TXNDC11: variants seen among roughly 807,000 people sequenced by gnomAD.
TXNDC11 encodes the protein thioredoxin domain containing 11.
Under a neutral mutation model 78.0 loss-of-function variants are expected in TXNDC11, and 68 were observed. The ratio of observed to expected loss-of-function variants is 0.87; its 90% CI spans 0.72 to 1.07. The LOEUF (loss-of-function observed/expected upper bound fraction) is 1.07. TXNDC11 is among the 50% of genes least tolerant of loss of function. The pLI, the probability that TXNDC11 is intolerant of heterozygous loss-of-function variation, is 0.00. For synonymous variants in TXNDC11, 571 were observed against 495.2 expected (o/e 1.15, Z -2.03); for missense variants, 1,389 against 1,221.8 (o/e 1.14, Z -2.04).
In TXNDC11 at chr16:11,698,294, G is replaced by C. The variant is rs2050914522; in HGVS notation, c.938C>G (p.Ala313Gly). 6.2e-7 allele frequency: 1 copy of C among 1,613,822 alleles called. No homozygotes were observed. Among genetic ancestry groups the C allele is most frequent in the African/African-American group, 1.3e-5 (1 of 74,920 alleles). ...VFPREVLNYT[A>G]ENICKWALEN... ...TAAGGCCCACTTACAGATGTTCTCAGCTGTGTAGTTCAGGACCTCCCTGGG... is the reference window on the plus strand; with the variant it reads ...TAAGGCCCACTTACAGATGTTCTCACCTGTGTAGTTCAGGACCTCCCTGGG... The change falls in exon 7 of 12, where the codon GCT (alanine) becomes GGT (glycine). Residue 313 changes from alanine (A) to glycine (G), a missense_variant. By Grantham distance (60) the Ala-to-Gly change is moderately conservative. Transcript: ENST00000283033.
At chr16:11,693,969 A>T (rs960760999) in intron 7 of TXNDC11, among the ~76,000 whole-genome samples, 1 of 152,186 alleles carries the variant, frequency 6.6e-6, no homozygotes, top group Admixed American at 6.5e-5. Context: ...GAGATCATTA[A>T]TTATATTATA....
At chr16:11,689,103 T>TTA (rs34620505) in intron 8 of TXNDC11, among the ~76,000 whole-genome samples, 1 of 151,172 alleles carries the variant, frequency 6.6e-6, no homozygotes, top group Non-Finnish European at 1.5e-5. Flanking sequence ...TTTTTTTTTT[T>TTA]AAAGAGACAG....
intron 11 of TXNDC11, among the ~76,000 whole-genome samples, 194 bp from the exon 12 acceptor site, chr16:11,680,031 G>A (rs918197245): frequency 1.6e-4 from 25 of 152,238 alleles, no homozygotes; most frequent in African/African-American, 5.5e-4. Flanking sequence ...CCATATGCTC[G>A]TTCTGTAATT....
chr16:11,693,027 T>G (rs549246800), intron 7 of TXNDC11, among the ~76,000 whole-genome samples: 1 of 152,268 alleles, frequency 6.6e-6, no homozygotes, highest in South Asian at 2.1e-4. Context: ...AGACCCCTTC[T>G]ACAGTCTCAC....
intron 1 of TXNDC11, among the ~76,000 whole-genome samples, chr16:11,737,615 G>C (rs1567354761): frequency 6.6e-6 from 1 of 151,956 alleles, no homozygotes; most frequent in Non-Finnish European, 1.5e-5. Context: ...TGTAATTCCA[G>C]CACTGTGGGA....
At chr16:11,716,886 A>G (rs1159924919) in intron 5 of TXNDC11, among the ~76,000 whole-genome samples, 2 of 152,150 alleles carry the variant, frequency 1.3e-5, no homozygotes, top group Admixed American at 1.3e-4. Flanking sequence ...ACCAAAAGAA[A>G]TCACAGAAAT....
In TXNDC11 at chr16:11,679,891, C is replaced by T; in HGVS notation, c.2235-54G>A. 12 of 1,494,444 alleles carry T rather than the reference C, an allele frequency of 8.0e-6. No individual in the cohort carries two copies. Among genetic ancestry groups the T allele is most frequent in the Non-Finnish European group, 1.0e-5 (11 of 1,092,462 alleles). The allele number at this position is 1,494,444 out of a possible 1,614,324, so 92.6% of individuals were successfully genotyped here. The stretch of plus-strand genomic sequence containing the variant: ...CAGGAGTCACACCAACACAATGAGT[C>T]CAAAAGCAGGCTGTACCTGAGGCCA... On this transcript the variant is annotated intron_variant, in intron 11 of 11. Transcript: ENST00000283033. This position sits in a 1 kb window ranked among gnomAD's most constrained non-coding sequence, Gnocchi z 4.6.
Position 11,679,450 on chromosome 16 carries a change from G to A in TXNDC11, c.2622C>T (p.Ala874=). 6.2e-7 allele frequency: 1 copy of A among 1,613,634 alleles called. No individual in the cohort carries two copies. Among genetic ancestry groups the A allele is most frequent in the Admixed American group, 1.7e-5 (1 of 60,024 alleles). The change falls in exon 12 of 12, where the codon GCC becomes GCT. Residue 874 remains alanine, a synonymous_variant. Coordinates refer to ENST00000283033, the MANE Select transcript of TXNDC11 (RefSeq NM_015914.7). This position sits in a 1 kb window ranked among gnomAD's most constrained non-coding sequence, Gnocchi z 4.6. ...EQKTRELQEL[A]RKLQELADAS... Reference sequence around the variant, plus strand: ...CATCGGCCAGCTCCTGCAGCTTGCGGGCCAGCTCCTGCAGCTCACGTGTCT... The same window carrying A: ...CATCGGCCAGCTCCTGCAGCTTGCGAGCCAGCTCCTGCAGCTCACGTGTCT...
In TXNDC11 at chr16:11,692,022, G is replaced by A. The variant is rs758955998; in HGVS notation, c.1168C>T (p.Leu390Phe). 1.9e-6 allele frequency: 3 copies of A among 1,560,188 alleles called. No homozygotes were observed. Among genetic ancestry groups the A allele is most frequent in the South Asian group, 2.5e-5 (2 of 81,544 alleles). The change falls in exon 8 of 12, where the codon CTT becomes TTT. Residue 390 changes from leucine (L) to phenylalanine (F), a missense_variant. By Grantham distance (22) the Leu-to-Phe change is conservative (BLOSUM62 0). Transcript: ENST00000283033. Reference protein sequence around the residue: ...CHGDQVVERLLQHLRRVDAPV... With the variant: ...CHGDQVVERLFQHLRRVDAPV... ...GCATCCACCCGCCGCAGGTGCTGAA[G>A]GAGACGCTCCACCACCTGGTCCCCA...
intron 11 of TXNDC11, among the ~76,000 whole-genome samples, chr16:11,680,636 T>C (rs1038072782): frequency 6.6e-5 from 10 of 152,278 alleles, no homozygotes; most frequent in East Asian, 1.9e-4. Flanking sequence ...CTGGCTGCAA[T>C]TGATCAAAAC....
At chr16:11,714,484 C>T (rs995394306) in intron 5 of TXNDC11, among the ~76,000 whole-genome samples, 1 of 152,118 alleles carries the variant, frequency 6.6e-6, no homozygotes, top group African/African-American at 2.4e-5. Context: ...CTAAAAAATA[C>T]AAAACATTAG....
chr16:11,727,560 T>C (rs1328089797), intron 4 of TXNDC11, among the ~76,000 whole-genome samples: 2 of 152,146 alleles, frequency 1.3e-5, no homozygotes, highest in East Asian at 1.9e-4. Context: ...GTTTTTTTGT[T>C]TGTGTTTTTT....
rs1305337937 is a variant in TXNDC11, at chr16:11,691,945, C to A, written c.1245G>T (p.Pro415=). The part of the protein sequence containing the change: ...ALEVPAQLPD[P]PTITASPCCN... ...AGCAGGGGGACGCTGTGATCGTTGGCGGGTCTGGCAGCTGTGCCGGCACTT... is the reference window on the plus strand; with the variant it reads ...AGCAGGGGGACGCTGTGATCGTTGGAGGGTCTGGCAGCTGTGCCGGCACTT... The change falls in exon 8 of 12, where the codon CCG becomes CCT. Residue 415 remains proline (P), a synonymous_variant. Transcript: ENST00000283033. 1.9e-6 allele frequency: 3 copies of A among 1,611,274 alleles called. No individual in the cohort carries two copies. The highest frequency in any genetic ancestry group is 2.2e-5 in the East Asian group (1 of 44,828).
At position 11,691,727 on chromosome 16, in the gene TXNDC11, T is replaced by C. The variant is rs142985387; in HGVS notation, c.1463A>G (p.Asp488Gly). 1,995 of 1,614,248 alleles carry C rather than the reference T, an allele frequency of 1.2e-3. 4 individuals are homozygous for C. Among genetic ancestry groups the C allele is most frequent in the Non-Finnish European group, 1.5e-3 (1,795 of 1,180,050 alleles). Reference protein sequence around the residue: ...KEQTFYHVASDSIECSNFLTS... With the variant: ...KEQTFYHVASGSIECSNFLTS... ...TAAAAAATTGCTGCATTCTATGCTG[T>C]CTGATGCCACATGATAAAAGGTCTG... is the stretch of plus-strand genomic sequence containing the variant. Residue 488 changes from aspartate (D) to glycine (G), a missense_variant, in exon 8 of 12, where the codon GAC (aspartate) becomes GGC (glycine). Coordinates refer to ENST00000283033, the MANE Select transcript of TXNDC11 (RefSeq NM_015914.7).
At position 11,692,080 on chromosome 16, in the gene TXNDC11, G is replaced by A; in HGVS notation, c.1110C>T (p.Ile370=). 6.6e-7 allele frequency: 1 copy of A among 1,521,658 alleles called. No individual in the cohort carries two copies. The highest frequency in any genetic ancestry group is 8.8e-7 in the Non-Finnish European group (1 of 1,135,732). The allele number at this position is 1,521,658 out of a possible 1,614,324, so 94.3% of individuals were successfully genotyped here. ...TGTTGTACTCCAAGGCCACTTCGGT[G>A]ATCTGAAATACAGGGCAGAGTTGGT... is the stretch of plus-strand genomic sequence containing the variant. ...LAESHPLIDE[I]TEVALEYNNC... The change falls in exon 8 of 12, where the codon ATC becomes ATT. Residue 370 remains isoleucine, a splice_region_variant and synonymous_variant. Coordinates refer to ENST00000283033, the MANE Select transcript of TXNDC11 (RefSeq NM_015914.7).
intron 7 of TXNDC11, among the ~76,000 whole-genome samples, chr16:11,694,131 CAG>C (rs2050794761): frequency 1.1e-5 from 1 of 93,564 alleles, no homozygotes; most frequent in African/African-American, 4.7e-5. Flanking sequence ...TTTTTTGAGA[CAG>C]AGTTTCACTC....
chr16:11,724,051 C>T (rs1280584470), intron 4 of TXNDC11, among the ~76,000 whole-genome samples: 1 of 152,094 alleles, frequency 6.6e-6, no homozygotes, highest in East Asian at 1.9e-4. Context: ...CGCCTGTAAT[C>T]CCCTCAGATC....
intron 5 of TXNDC11, among the ~76,000 whole-genome samples, chr16:11,702,914 C>A (rs2051073894): frequency 6.6e-6 from 1 of 151,956 alleles, no homozygotes; most frequent in African/African-American, 2.4e-5. Context: ...ATTTTTCATA[C>A]AAATCTGATG....
intron 4 of TXNDC11, among the ~76,000 whole-genome samples, chr16:11,726,654 A>G (rs979759187): frequency 1.3e-5 from 2 of 151,912 alleles, no homozygotes; most frequent in African/African-American, 4.8e-5. Context: ...CTTTGAAAGG[A>G]TTCAACTATA....
Sources: gnomAD v4.1 joint callset for allele counts (sites outside exome capture counted in the v4.1 genomes callset) on GRCh38, gnomAD v4.1.1 for gene constraint, Gnocchi (gnomAD v3.1) non-coding constraint, MANE v1.5 for transcripts, NCBI Gene and HGNC (gene_info 2026-07-23, HGNC 2026-07-21) for gene names.